ASH1L: variants seen among roughly 807,000 people sequenced by gnomAD.
ASH1L encodes histone-lysine N-methyltransferase ASH1L.
ASH1L carries 23 observed loss-of-function variants against 269.0 expected under a neutral mutation model. The ratio of observed to expected loss-of-function variants is 0.09; its 90% confidence interval spans 0.06 to 0.12. The LOEUF is 0.12. Ranked by LOEUF, ASH1L falls within the 10% of genes least tolerant of loss-of-function variation. ASH1L has a pLI of 1.00. For synonymous variants in ASH1L, 1,187 were observed against 1,253.5 expected (o/e 0.95, Z 1.12); for missense variants, 2,912 against 3,567.8 (o/e 0.82, Z 4.68).
At chr1:155,375,412 A>C (rs766188631) in intron 10 of ASH1L, among the ~76,000 whole-genome samples, 8 of 152,184 alleles carry the variant, frequency 5.3e-5, no homozygotes, top group Non-Finnish European at 7.3e-5. Flanking sequence ...CAAAATCTGA[A>C]ATTAGATGCT....
chr1:155,379,014 T>G (rs1455870833), intron 8 of ASH1L, among the ~76,000 whole-genome samples: 1 of 151,770 alleles, frequency 6.6e-6, no homozygotes, highest in Non-Finnish European at 1.5e-5. Context: ...AAATTTTAAT[T>G]AAGGCAATTA....
At chr1:155,389,872 A>T (rs1441077677) in intron 7 of ASH1L, among the ~76,000 whole-genome samples, 2 of 144,950 alleles carry the variant, frequency 1.4e-5, no homozygotes, top group East Asian at 2.0e-4. Flanking sequence ...TACTACTACC[A>T]GTAGCTTTTT....
At position 155,438,698 on chromosome 1, in the gene ASH1L, T is replaced by C; in HGVS notation, c.5457A>G (p.Thr1819=). 6.2e-7 allele frequency: 1 copy of C among 1,614,136 alleles called. No homozygotes were observed. Among genetic ancestry groups the C allele is most frequent in the Admixed American group, 1.7e-5 (1 of 59,978 alleles). Residue 1819 remains threonine, a synonymous_variant, in exon 5 of 28, where the codon ACA becomes ACG. Transcript: ENST00000392403. ...TATTGACATGGTCTAGGTTTTTCTT[T>C]GTGGCCAAGATTTTGTCGTAATTGC... ...KMCNYDKILA[T]KKNLDHVNKI...
At chr1:155,521,657 G>C in intron 1 of ASH1L, 39 bp from the exon 2 acceptor site, 5 of 751,732 alleles carry the variant, frequency 6.7e-6, no homozygotes, top group Non-Finnish European at 8.4e-6. Flanking sequence ...TCAGAAAAGA[G>C]GCAACTACTG....
At chr1:155,338,054 T>C (rs748026907) in intron 27 of ASH1L, 35 bp downstream of exon 27, 4 of 1,593,350 alleles carry the variant, frequency 2.5e-6, no homozygotes, top group Admixed American at 3.5e-5. Context: ...TTCGCATTTA[T>C]CTTAAACCCT....
Position 155,478,203 on chromosome 1 carries a change from C to T in ASH1L, c.4667G>A (p.Trp1556Ter). The T allele has an allele frequency of 6.2e-7, 1 of 1,613,762 alleles. No individual in the cohort carries two copies. The highest frequency in any genetic ancestry group is 8.5e-7 in the Non-Finnish European group (1 of 1,179,932). The change falls in exon 3 of 28, where the codon TGG becomes TAG. Residue 1556 changes from tryptophan (W) to a stop codon, truncating the protein, a stop_gained. Transcript: ENST00000392403. LOFTEE classifies it high-confidence loss of function. This position sits in a 1 kb window ranked among gnomAD's most constrained non-coding sequence, Gnocchi z 4.6. ...SKSLINREEQ[W>*]VHREPSESSP... Reference sequence around the variant, plus strand: ...AGATTCTGAAGGCTCTCGGTGGACCCACTGTTCCTCTCTGTTTATTAAGCT... The same window carrying T: ...AGATTCTGAAGGCTCTCGGTGGACCTACTGTTCCTCTCTGTTTATTAAGCT...
At position 155,335,571 on chromosome 1, in the gene ASH1L, TA is replaced by T. The variant is rs746678006; in HGVS notation, c.*2088del. 6.0e-3 allele frequency: 916 copies of T among 152,824 alleles called. 6 individuals carry two copies. The highest frequency in any genetic ancestry group is 0.02 in the Middle Eastern group (6 of 294). The allele number at this position is 152,824 out of a possible 1,614,324, so 9.5% of individuals were successfully genotyped here. On this transcript the variant is annotated 3_prime_UTR_variant, in exon 28 of 28. Coordinates refer to ENST00000392403, the MANE Select transcript of ASH1L (RefSeq NM_018489.3). The stretch of plus-strand genomic sequence containing the variant: ...AGCTGGGGGGTTCTTTTTATTTCGT[TA>T]TTATAAAATAACTGAAAAATAAAAA...
chr1:155,395,627 A>G, intron 6 of ASH1L, 74 bp from the exon 7 acceptor site: 1 of 1,033,080 alleles, frequency 9.7e-7, no homozygotes, highest in Non-Finnish European at 1.4e-6. Context: ...CAGATAACAG[A>G]TCATCCTATG....
Position 155,346,391 on chromosome 1 carries a change from C to T in ASH1L, c.7882G>A (p.Val2628Met). Residue 2628 changes from valine (V) to methionine (M), a missense_variant, in exon 21 of 28, where the codon GTG (valine) becomes ATG (methionine). Physicochemically the swap from Val to Met is conservative, Grantham distance 21 (BLOSUM62 1). Transcript: ENST00000392403. ...YLCEQCDPRP[V>M]DREVPMIPRP... ...TCAGAGGTTCAGCTTACCCTGTCCA[C>T]AGGCCTTGGGTCACACTGCTCACAA... 6.2e-7 allele frequency: 1 copy of T among 1,613,976 alleles called. No individual in the cohort carries two copies. The highest frequency in any genetic ancestry group is 8.5e-7 in the Non-Finnish European group (1 of 1,179,898).
At chr1:155,360,254 T>C (rs777806215) in intron 13 of ASH1L, 47 bp downstream of exon 13, 17 of 1,242,906 alleles carry the variant, frequency 1.4e-5, no homozygotes, top group East Asian at 4.7e-5. Flanking sequence ...TATTACAGCA[T>C]TGTAAGGGAT....
At chr1:155,484,211 G>A (rs868123439) in intron 2 of ASH1L, among the ~76,000 whole-genome samples, 28 of 152,148 alleles carry the variant, frequency 1.8e-4, no homozygotes, top group Admixed American at 3.9e-4. Context: ...GCAATAGGCC[G>A]GGCATGGTGG....
intron 2 of ASH1L, among the ~76,000 whole-genome samples, chr1:155,489,615 G>A (rs890911806): frequency 1.3e-5 from 2 of 151,652 alleles, no homozygotes; most frequent in East Asian, 1.9e-4. Flanking sequence ...AAAATTAGAC[G>A]GGCATGGTGG....
intron 2 of ASH1L, among the ~76,000 whole-genome samples, chr1:155,509,066 A>C: frequency 6.6e-6 from 1 of 152,250 alleles, no homozygotes; most frequent in East Asian, 1.9e-4. Context: ...TCTAGAAAAA[A>C]AAAATTATTT....
Position 155,521,371 on chromosome 1 carries a change from C to T in ASH1L, c.149G>A (p.Arg50His), listed in dbSNP as rs374072309. The change falls in exon 2 of 28, where the codon CGC (arginine) becomes CAC (histidine). Residue 50 changes from arginine to histidine, a missense_variant. By Grantham distance (29) the Arg-to-His change is conservative. This residue lies in a region of ASH1L where 115 missense variants were observed against 101.5 expected (regional missense o/e 1.13). Coordinates refer to ENST00000392403, the MANE Select transcript of ASH1L (RefSeq NM_018489.3). Reference sequence around the variant, plus strand: ...GATGTTTCTTTCTCGATTCCGTTTGCGAAGGTCCTCTTCCTCCTTTGTGTT... The same window carrying T: ...GATGTTTCTTTCTCGATTCCGTTTGTGAAGGTCCTCTTCCTCCTTTGTGTT... ...EKNTKEEEDLRKRNRERNIEA... is the reference protein window; with the variant it reads ...EKNTKEEEDLHKRNRERNIEA... 3.7e-6 allele frequency: 6 copies of T among 1,614,010 alleles called. No homozygotes were observed. The highest frequency in any genetic ancestry group is 2.7e-5 in the African/African-American group (2 of 74,912).
intron 4 of ASH1L, among the ~76,000 whole-genome samples, chr1:155,458,129 A>G (rs1204030813): frequency 2.0e-5 from 3 of 152,220 alleles, no homozygotes; most frequent in Non-Finnish European, 4.4e-5. Flanking sequence ...ACTTCTTGTT[A>G]GAGTACAAAA....
chr1:155,496,018 T>C (rs1667132221), intron 2 of ASH1L, among the ~76,000 whole-genome samples: 1 of 152,150 alleles, frequency 6.6e-6, no homozygotes, highest in African/African-American at 2.4e-5. Context: ...AATAAATAAA[T>C]AAAACAAAAC....
rs1652361565 is a variant in ASH1L at position 155,336,870 on chromosome 1, C to T, written c.*790G>A. 6.6e-6 allele frequency: 1 copy of T among 152,294 alleles called. No individual in the cohort carries two copies. Among genetic ancestry groups the T allele is most frequent in the African/African-American group, 2.4e-5 (1 of 41,420 alleles). The allele number at this position is 152,294 out of a possible 1,614,324, so 9.4% of individuals were successfully genotyped here. ...ATCTCCATTTGCACAGCACAGCAGACACACAAGAACTACAGCGCATTAAAA... is the reference window on the plus strand; with the variant it reads ...ATCTCCATTTGCACAGCACAGCAGATACACAAGAACTACAGCGCATTAAAA... On this transcript the variant is annotated 3_prime_UTR_variant, in exon 28 of 28. Transcript: ENST00000392403.
At chr1:155,531,630 A>C (rs766492014) in intron 1 of ASH1L, among the ~76,000 whole-genome samples, 1 of 151,918 alleles carries the variant, frequency 6.6e-6, no homozygotes, top group Non-Finnish European at 1.5e-5. Flanking sequence ...AAGAGATTTG[A>C]AAACATTTAT....
intron 2 of ASH1L, among the ~76,000 whole-genome samples, chr1:155,515,823 ACT>A (rs1475767042): frequency 2.1e-5 from 3 of 141,992 alleles, no homozygotes; most frequent in Admixed American, 7.4e-5. Context: ...ACAAAAGGAG[ACT>A]CTGCCTTAAA....
Sources: gnomAD v4.1 joint callset for allele counts (sites outside exome capture counted in the v4.1 genomes callset) on GRCh38, gnomAD v4.1.1 for gene constraint, gnomAD v4.1.1 regional missense constraint, Gnocchi (gnomAD v3.1) non-coding constraint, MANE v1.5 for transcripts, NCBI Gene and HGNC (gene_info 2026-07-23, HGNC 2026-07-21) for gene names.